The following PDGFRL variants were observed in gnomAD, a reference collection of about 807,000 sequenced individuals.
PDGFRL encodes platelet derived growth factor receptor like.
In PDGFRL, 46 loss-of-function variants were observed where a neutral mutation model predicts 37.2. That is an observed-to-expected ratio of 1.24 (90% CI 0.98 to 1.58). The LOEUF is 1.58. Ranked by LOEUF, PDGFRL falls within the 40% of genes most tolerant of loss-of-function variation. The pLI is 0.00. For missense variants in PDGFRL, 692 were observed against 467.6 expected, an observed-to-expected ratio of 1.48 and a Z score of -4.43; for synonymous variants, 251 against 184.3, an observed-to-expected ratio of 1.36 and a Z score of -2.93.
chr8:17,630,054 C>G (rs1440685144), intron 4 of PDGFRL, among the ~76,000 whole-genome samples: 1 of 152,172 alleles, frequency 6.6e-6, no homozygotes, highest in African/African-American at 2.4e-5. Flanking sequence ...CATGCCTGTA[C>G]TCAGAGAGTT....
rs370849666 is a variant in PDGFRL at position 17,637,261 on chromosome 8, T to C, written c.939+3048T>C. ...ATTACCTTAAGGTATGTCCCTTCTA[T>C]GCCAATTTTGCTGAGGGTTTTAATC... On this transcript the variant is annotated intron_variant, in intron 5 of 5. Coordinates refer to ENST00000251630, the MANE Select transcript of PDGFRL (RefSeq NM_001372073.1). Among the ~76,000 whole-genome samples the C allele has an allele frequency of 3.9e-5, 6 of 152,184 alleles. No individual in the cohort carries two copies. The South Asian group carries it at 6.2e-4, about 16-fold the overall frequency.
intron 4 of PDGFRL, among the ~76,000 whole-genome samples, chr8:17,633,247 A>G (rs1049091640): frequency 2.0e-5 from 3 of 152,186 alleles, no homozygotes; most frequent in African/African-American, 7.2e-5. Flanking sequence ...TGGGCAACAT[A>G]GACCAAAAAA....
chr8:17,585,137 A>G (rs1803788224), intron 1 of PDGFRL, among the ~76,000 whole-genome samples: 1 of 152,154 alleles, frequency 6.6e-6, no homozygotes, highest in African/African-American at 2.4e-5. Flanking sequence ...CATTATAATT[A>G]GCATATAATG....
intron 4 of PDGFRL, among the ~76,000 whole-genome samples, chr8:17,632,343 ATTT>A (rs35632965): frequency 3.4e-5 from 5 of 145,020 alleles, no homozygotes; most frequent in Non-Finnish European, 6.1e-5. Context: ...ACTGTAGCTG[ATTT>A]TTTTTTTTTT....
chr8:17,589,764 A>G lies in PDGFRL; in HGVS notation c.352A>G (p.Ser118Gly). The G allele has an allele frequency of 6.3e-7, 1 of 1,581,206 alleles. No individual in the cohort carries two copies. Among genetic ancestry groups the G allele is most frequent in the African/African-American group, 1.4e-5 (1 of 73,668 alleles). Reference sequence around the variant, plus strand: ...GGACACCTTTAAGGATTCTCGCCTCAGGTAAGCATTTTTTTTTAAAACTGT... The same window carrying G: ...GGACACCTTTAAGGATTCTCGCCTCGGGTAAGCATTTTTTTTTAAAACTGT... Reference protein sequence around the residue: ...YLDTFKDSRLSVKQNERYGQL... With the variant: ...YLDTFKDSRLGVKQNERYGQL... The change falls in exon 2 of 6, where the codon AGC becomes GGC. Residue 118 changes from serine (S) to glycine (G), a missense_variant and splice_region_variant. By Grantham distance (56) the Ser-to-Gly change is moderately conservative. Coordinates refer to ENST00000251630, the MANE Select transcript of PDGFRL (RefSeq NM_001372073.1).
At chr8:17,592,938 ACACACACACACACT>A (rs1803973889) in intron 2 of PDGFRL, among the ~76,000 whole-genome samples, 1 of 82,644 alleles carries the variant, frequency 1.2e-5, no homozygotes, top group Non-Finnish European at 2.9e-5. Flanking sequence ...ACACACACAC[ACACACACACACACT>A]ACTCTACACA....
intron 1 of PDGFRL, among the ~76,000 whole-genome samples, chr8:17,586,568 C>T (rs530310747): frequency 1.3e-5 from 2 of 152,158 alleles, no homozygotes; most frequent in African/African-American, 2.4e-5. Context: ...AACTACTTGG[C>T]ATCTATACAT....
chr8:17,617,794 T>C (rs190020005), intron 2 of PDGFRL, among the ~76,000 whole-genome samples: 1 of 152,292 alleles, frequency 6.6e-6, no homozygotes, highest in Non-Finnish European at 1.5e-5. Flanking sequence ...CTTACGTGCC[T>C]AATTACTTTC....
intron 2 of PDGFRL, among the ~76,000 whole-genome samples, chr8:17,611,248 C>T (rs1266497086): frequency 6.6e-6 from 1 of 152,168 alleles, no homozygotes; most frequent in Non-Finnish European, 1.5e-5. Flanking sequence ...GTACTCTTGG[C>T]ACTTGTACTT....
intron 2 of PDGFRL, among the ~76,000 whole-genome samples, chr8:17,593,803 G>A (rs1438429063): frequency 3.3e-5 from 5 of 151,492 alleles, no homozygotes; most frequent in Admixed American, 2.0e-4. Context: ...CAGGAGAATC[G>A]CTTGAACCTG....
At chr8:17,590,565 C>T (rs1803915075) in intron 2 of PDGFRL, among the ~76,000 whole-genome samples, 1 of 151,514 alleles carries the variant, frequency 6.6e-6, no homozygotes, top group African/African-American at 2.4e-5. Context: ...TATAAATTAG[C>T]CAGATGTGGT....
At chr8:17,636,889 T>A (rs972434151) in intron 5 of PDGFRL, among the ~76,000 whole-genome samples, 2 of 152,162 alleles carry the variant, frequency 1.3e-5, no homozygotes, top group East Asian at 3.9e-4. Context: ...ATAAAAGGGG[T>A]TGAGTTATTG....
chr8:17,611,139 C>T (rs1424380647), intron 2 of PDGFRL, among the ~76,000 whole-genome samples: 1 of 152,228 alleles, frequency 6.6e-6, no homozygotes, highest in African/African-American at 2.4e-5. Context: ...ATTCCCAGCT[C>T]TGCCTCTAGC....
chr8:17,604,888 T>C (rs1000411330), intron 2 of PDGFRL, among the ~76,000 whole-genome samples: 11 of 151,298 alleles, frequency 7.3e-5, no homozygotes, highest in African/African-American at 2.7e-4. Context: ...CTGAGGCGGG[T>C]GAATCACTTG....
intron 5 of PDGFRL, among the ~76,000 whole-genome samples, chr8:17,640,607 T>C (rs1485701383): frequency 1.3e-5 from 2 of 152,146 alleles, no homozygotes; most frequent in African/African-American, 2.4e-5. Context: ...TAGTGGTGCC[T>C]GTACAGAGTC....
intron 2 of PDGFRL, among the ~76,000 whole-genome samples, chr8:17,604,478 C>T (rs1007857888): frequency 9.2e-5 from 14 of 151,736 alleles, no homozygotes; most frequent in African/African-American, 3.2e-4. Context: ...AGCAAACTGT[C>T]GTAAGGACAA....
In PDGFRL at chr8:17,642,735, T is replaced by C; in HGVS notation, c.1062T>C (p.Tyr354=). 6.2e-7 allele frequency: 1 copy of C among 1,608,382 alleles called. No individual in the cohort carries two copies. Among genetic ancestry groups the C allele is most frequent in the Non-Finnish European group, 8.5e-7 (1 of 1,174,720 alleles). The change falls in exon 6 of 6, where the codon TAT becomes TAC. Residue 354 remains tyrosine, a synonymous_variant. Transcript: ENST00000251630. ...VEDFETIDAG[Y]YICTAQNLQG... is the part of the protein sequence containing the mutation. ...ACTTTGAGACGATTGATGCAGGATA[T>C]TACATTTGCACTGCTCAGAATCTTC... is the stretch of plus-strand genomic sequence containing the variant.
intron 3 of PDGFRL, among the ~76,000 whole-genome samples, chr8:17,621,839 T>A (rs749971817): frequency 6.6e-6 from 1 of 152,146 alleles, no homozygotes; most frequent in Non-Finnish European, 1.5e-5. Flanking sequence ...TATTATTTTG[T>A]TTTTTGATTT....
intron 1 of PDGFRL, among the ~76,000 whole-genome samples, chr8:17,579,166 C>A (rs1803653579): frequency 1.3e-5 from 2 of 152,130 alleles, no homozygotes; most frequent in African/African-American, 4.8e-5. Context: ...CACTGCACTC[C>A]AGCTGGGCGA....
Sources: gnomAD v4.1 joint callset for allele counts (sites outside exome capture counted in the v4.1 genomes callset) on GRCh38, gnomAD v4.1.1 for gene constraint, MANE v1.5 for transcripts, NCBI Gene and HGNC (gene_info 2026-07-23, HGNC 2026-07-21) for gene names.